BAZ1B: variants seen among roughly 807,000 people sequenced by gnomAD.
BAZ1B encodes the protein bromodomain adjacent to zinc finger domain 1B.
Under a neutral mutation model 153.8 loss-of-function variants are expected in BAZ1B, and 22 were observed. That is an observed-to-expected ratio of 0.14 (90% CI 0.10 to 0.20). The LOEUF is 0.20. BAZ1B is among the 10% of genes least tolerant of loss of function. The probability of loss-of-function intolerance (pLI) is 1.00; values close to 1 mark genes in which losing one functional copy is unlikely to be tolerated. For missense variants in BAZ1B, 1,325 were observed against 1,799.3 expected, an observed-to-expected ratio of 0.74 and a Z score of 4.77; for synonymous variants, 676 against 633.4, an observed-to-expected ratio of 1.07 and a Z score of -1.01.
intron 6 of BAZ1B, among the ~76,000 whole-genome samples, chr7:73,482,385 C>T (rs1429761304): frequency 6.6e-6 from 1 of 152,120 alleles, no homozygotes; most frequent in Non-Finnish European, 1.5e-5. Flanking sequence ...CAAATGTGTG[C>T]CCCCAAAAAG....
Position 73,522,109 on chromosome 7 carries a change from G to A in BAZ1B, c.-176C>T, listed in dbSNP as rs1266673652. ...GCCGGCGCGGCCGCGCGACAGTCAT[G>A]GAGCGGAACGCCACGGCGCAGAGCT... On this transcript the variant is annotated 5_prime_UTR_variant, in exon 1 of 20. Coordinates refer to ENST00000339594, the MANE Select transcript of BAZ1B (RefSeq NM_032408.4). The A allele has an allele frequency of 1.9e-5, 8 of 419,002 alleles. No individual in the cohort carries two copies. The highest frequency in any genetic ancestry group is 1.2e-4 in the African/African-American group (6 of 48,906). The allele number at this position is 419,002 out of a possible 1,614,324, so 26.0% of individuals were successfully genotyped here.
In BAZ1B at chr7:73,498,146, G is replaced by A. The variant is rs182317014; in HGVS notation, c.571+351C>T. On this transcript the variant is annotated intron_variant, in intron 4 of 19. Transcript: ENST00000339594. ...CGCTAATTTTTGTATTTTTAGTAGAGACAGGGTTTCACCATGTTGACCAGG... is the reference window on the plus strand; with the variant it reads ...CGCTAATTTTTGTATTTTTAGTAGAAACAGGGTTTCACCATGTTGACCAGG... Among the ~76,000 whole-genome samples the A allele has an allele frequency of 3.9e-5, 6 of 152,106 alleles. No homozygotes were observed. In the East Asian group the frequency reaches 7.7e-4, roughly 20 times the overall value.
chr7:73,488,725 A>C (rs1238940209), intron 6 of BAZ1B, among the ~76,000 whole-genome samples: 8 of 151,778 alleles, frequency 5.3e-5, no homozygotes, highest in African/African-American at 1.7e-4. Context: ...AAAAAAAAAA[A>C]AAAAACAAAA....
At chr7:73,499,071 G>A (rs376246940) in intron 3 of BAZ1B, among the ~76,000 whole-genome samples, 2 of 152,074 alleles carry the variant, frequency 1.3e-5, no homozygotes, top group Non-Finnish European at 2.9e-5. Context: ...TGTCACCCAG[G>A]CTGAAGTGCA....
In BAZ1B at chr7:73,477,043, T is replaced by C. The variant is rs782542732; in HGVS notation, c.2418A>G (p.Lys806=). 9.9e-6 allele frequency: 16 copies of C among 1,614,070 alleles called. No homozygotes were observed. The South Asian group carries it at 1.1e-4, about 11-fold the overall frequency. Residue 806 remains lysine (K), a synonymous_variant, in exon 7 of 20, where the codon AAA becomes AAG. Transcript: ENST00000339594. This position sits in a 1 kb window ranked among gnomAD's most constrained non-coding sequence, Gnocchi z 5.6. The stretch of plus-strand genomic sequence containing the variant: ...ACCCATTCTCAACTTTTCCATTTTC[T>C]TTATTTTTGGCTTCCATTTCTTTCC... The part of the protein sequence containing the change: ...QKRKEMEAKN[K]ENGKVENGLG...
At chr7:73,494,318 G>A (rs1161021213) in intron 4 of BAZ1B, among the ~76,000 whole-genome samples, 1 of 152,156 alleles carries the variant, frequency 6.6e-6, no homozygotes, top group Non-Finnish European at 1.5e-5. Flanking sequence ...GGGAGGTGGA[G>A]GTTGCAGTGA....
At chr7:73,511,334 G>A (rs1274824458) in intron 1 of BAZ1B, among the ~76,000 whole-genome samples, 3 of 151,942 alleles carry the variant, frequency 2.0e-5, no homozygotes. Context: ...GACTAAGACT[G>A]AAGTATAATG....
intron 3 of BAZ1B, among the ~76,000 whole-genome samples, chr7:73,498,911 A>G (rs1424698216): frequency 4.6e-5 from 7 of 152,252 alleles, no homozygotes; most frequent in African/African-American, 1.7e-4. Context: ...AATGATCACA[A>G]TCTAGGTTCA....
intron 9 of BAZ1B, 37 bp downstream of exon 9, chr7:73,469,480 A>G: frequency 1.2e-6 from 2 of 1,609,468 alleles, no homozygotes; most frequent in Non-Finnish European, 1.7e-6. Flanking sequence ...CCACTTGAGC[A>G]GGGTGAAATA....
intron 13 of BAZ1B, among the ~76,000 whole-genome samples, chr7:73,455,037 T>C (rs1376693540): frequency 1.3e-5 from 2 of 151,536 alleles, no homozygotes; most frequent in Non-Finnish European, 2.9e-5. Context: ...GGTGTGTGTG[T>C]GTGTGTGTGC....
chr7:73,444,467 A>G (rs1158498871), intron 16 of BAZ1B, among the ~76,000 whole-genome samples: 5 of 152,172 alleles, frequency 3.3e-5, no homozygotes, highest in Non-Finnish European at 7.3e-5. Context: ...ATGAGAAGCC[A>G]TTTGCTAATA....
Position 73,498,492 on chromosome 7 carries a change from C to T in BAZ1B, c.571+5G>A, listed in dbSNP as rs781978657. On this transcript the variant is annotated splice_donor_5th_base_variant and intron_variant, in intron 4 of 19. Transcript: ENST00000339594. ...AACACTAAGGAAAGCTAATATCAAA[C>T]ATACTAATACTCTCTCTCCTTCCTT... The T allele has an allele frequency of 5.0e-6, 8 of 1,610,382 alleles. No homozygotes were observed. The East Asian group carries it at 1.8e-4, about 36-fold the overall frequency.
Position 73,477,860 on chromosome 7 carries a change from C to A in BAZ1B, c.1601G>T (p.Arg534Met). Residue 534 changes from arginine to methionine, a missense_variant, in exon 7 of 20, where the codon AGG becomes ATG. Physicochemically the swap from Arg to Met is moderately conservative, Grantham distance 91. Around this residue, in one of 9 missense-constraint regions of BAZ1B, gnomAD observed 154 missense variants for 266.3 expected, o/e 0.58. Transcript: ENST00000339594. The surrounding 1 kb of genome is among the most constrained non-coding windows in gnomAD (Gnocchi z 5.6). ...TTGTTCTTCAGACATAGAAGCCCAC[C>A]TCTTTTTGTGCTCTAGAAGTTCATA... Reference protein sequence around the residue: ...KRYELLEHKKRWASMSEEQRK... With the variant: ...KRYELLEHKKMWASMSEEQRK... 1 of 1,613,914 alleles carries A rather than the reference C, an allele frequency of 6.2e-7. No homozygotes were observed. The highest frequency in any genetic ancestry group is 8.5e-7 in the Non-Finnish European group (1 of 1,179,982).
intron 5 of BAZ1B, among the ~76,000 whole-genome samples, chr7:73,491,420 T>G (rs1554575458): frequency 1.3e-5 from 2 of 151,962 alleles, no homozygotes; most frequent in Admixed American, 1.3e-4. Flanking sequence ...ACCAACGTGG[T>G]GAAACTCTGT....
intron 6 of BAZ1B, among the ~76,000 whole-genome samples, chr7:73,481,568 G>A (rs1465061272): frequency 6.6e-6 from 1 of 150,432 alleles, no homozygotes; most frequent in South Asian, 2.1e-4. Context: ...AGAGAAACGA[G>A]CCCACAGAAC....
chr7:73,488,646 A>G (rs1554574824), intron 6 of BAZ1B, among the ~76,000 whole-genome samples: 1 of 149,402 alleles, frequency 6.7e-6, no homozygotes, highest in Admixed American at 6.7e-5. Flanking sequence ...AAGAAGGAGA[A>G]GGAGGTTGCA....
intron 4 of BAZ1B, among the ~76,000 whole-genome samples, chr7:73,497,854 T>C (rs1318032574): frequency 1.3e-5 from 2 of 152,094 alleles, no homozygotes; most frequent in Non-Finnish European, 2.9e-5. Context: ...CACCCCCCAA[T>C]ACATAAATAC....
intron 3 of BAZ1B, among the ~76,000 whole-genome samples, chr7:73,505,540 G>A (rs978557792): frequency 6.6e-6 from 1 of 151,926 alleles, no homozygotes; most frequent in African/African-American, 2.4e-5. Context: ...AAAATGTTAG[G>A]TCTATCCTAG....
At chr7:73,480,520 T>C (rs1789160360) in intron 6 of BAZ1B, among the ~76,000 whole-genome samples, 1 of 152,146 alleles carries the variant, frequency 6.6e-6, no homozygotes, top group African/African-American at 2.4e-5. Flanking sequence ...TAATCCAAAA[T>C]ACAGCCCATT....
Sources: allele counts gnomAD v4.1 joint callset (sites outside exome capture counted in the v4.1 genomes callset), GRCh38; gene constraint gnomAD v4.1.1; regional missense constraint gnomAD v4.1.1; non-coding constraint Gnocchi (gnomAD v3.1); transcripts MANE v1.5; gene names NCBI Gene and HGNC (gene_info 2026-07-23, HGNC 2026-07-21).